The following ATP10B variants were observed in gnomAD, a reference collection of about 807,000 sequenced individuals.
ATP10B encodes ATPase phospholipid transporting 10B (putative), also known as phospholipid-transporting ATPase VB.
A neutral mutation model predicts 141.2 loss-of-function variants in ATP10B; 122 were observed. That is an observed-to-expected ratio of 0.86 (90% CI 0.75 to 1.00). ATP10B has a LOEUF of 1.00. Ranked by LOEUF, ATP10B falls within the 50% of genes least tolerant of loss-of-function variation. ATP10B has a pLI of 0.00. For synonymous variants in ATP10B, 685 were observed against 692.0 expected, an observed-to-expected ratio of 0.99 and a Z score of 0.16; for missense variants, 1,876 against 1,825.3, an observed-to-expected ratio of 1.03 and a Z score of -0.51.
intron 1 of ATP10B, among the ~76,000 whole-genome samples, chr5:160,800,420 G>A (rs985105099): frequency 1.3e-5 from 2 of 152,176 alleles, no homozygotes; most frequent in South Asian, 2.1e-4. Flanking sequence ...CATTTACTAA[G>A]TGCAAAGAGT....
the ATP10B span, among the ~76,000 whole-genome samples, chr5:160,867,609 T>C: frequency 6.6e-6 from 1 of 152,118 alleles, no homozygotes; most frequent in Non-Finnish European, 1.5e-5. Flanking sequence ...ATCCATATGA[T>C]ATTTTTGACT....
At chr5:160,903,226 G>A in the ATP10B span, among the ~76,000 whole-genome samples, 1 of 152,146 alleles carries the variant, frequency 6.6e-6, no homozygotes, top group Non-Finnish European at 1.5e-5. Flanking sequence ...CCCAAGACTG[G>A]AACCTGGTCT....
intron 1 of ATP10B, among the ~76,000 whole-genome samples, chr5:160,812,269 C>T (rs1271791949): frequency 1.3e-5 from 2 of 152,124 alleles, no homozygotes; most frequent in Non-Finnish European, 2.9e-5. Context: ...CTTCCAAATA[C>T]CTGAAAGGCC....
intron 22 of ATP10B, among the ~76,000 whole-genome samples, chr5:160,594,941 G>A (rs1194083797): frequency 1.3e-5 from 2 of 152,146 alleles, no homozygotes; most frequent in African/African-American, 2.4e-5. Context: ...CACAATAATA[G>A]TGGGAGACTT....
At chr5:160,850,634 T>G (rs1753744917) in intron 1 of ATP10B, among the ~76,000 whole-genome samples, 1 of 152,170 alleles carries the variant, frequency 6.6e-6, no homozygotes, top group African/African-American at 2.4e-5. Context: ...CTTATCAGTA[T>G]CACATGCTTC....
chr5:160,641,489 T>G (rs539954109), intron 9 of ATP10B, among the ~76,000 whole-genome samples: 9 of 152,306 alleles, frequency 5.9e-5, no homozygotes, highest in African/African-American at 2.2e-4. Flanking sequence ...GTCACCTTCT[T>G]CTCCAGTAGG....
chr5:160,787,103 C>G (rs1456792389), intron 1 of ATP10B, among the ~76,000 whole-genome samples: 1 of 85,948 alleles, frequency 1.2e-5, no homozygotes, highest in African/African-American at 4.4e-5. Flanking sequence ...GGTTTTGACA[C>G]AGACACACAC....
chr5:160,598,746 C>A lies in ATP10B; in HGVS notation c.3564+24G>T, dbSNP rs1386497254. Reference sequence around the variant, plus strand: ...GTCAGTAAGAAGCTGAAGTCACCTCCCTTTGGCTGCCCGATCTCCTTACCT... The same window carrying A: ...GTCAGTAAGAAGCTGAAGTCACCTCACTTTGGCTGCCCGATCTCCTTACCT... On this transcript the variant is annotated intron_variant, in intron 22 of 25. Transcript: ENST00000327245. 6 of 1,612,412 alleles carry A rather than the reference C, an allele frequency of 3.7e-6. No homozygotes were observed. In the African/African-American group the frequency reaches 4.0e-5, roughly 11 times the overall value.
intron 2 of ATP10B, among the ~76,000 whole-genome samples, chr5:160,774,792 T>C (rs935763401): frequency 2.6e-5 from 4 of 152,260 alleles, no homozygotes; most frequent in African/African-American, 9.6e-5. Context: ...CTTTGTCTGT[T>C]TGTGAAGGGC....
chr5:160,630,622 G>C (rs1328055849), intron 13 of ATP10B, among the ~76,000 whole-genome samples: 11 of 152,132 alleles, frequency 7.2e-5, no homozygotes, highest in Non-Finnish European at 1.5e-5. Context: ...TCGGGGAAGT[G>C]CATTACATTT....
chr5:160,907,514 T>G, the ATP10B span, among the ~76,000 whole-genome samples: 3 of 152,136 alleles, frequency 2.0e-5, no homozygotes, highest in South Asian at 6.2e-4. Context: ...TGTGTGTGAC[T>G]GCGCCCAGCT....
intron 1 of ATP10B, among the ~76,000 whole-genome samples, chr5:160,818,030 T>G (rs1561888046): frequency 6.6e-6 from 1 of 152,116 alleles, no homozygotes; most frequent in Non-Finnish European, 1.5e-5. Flanking sequence ...ATGTTAGACT[T>G]AAAACCATAA....
intron 6 of ATP10B, among the ~76,000 whole-genome samples, chr5:160,674,676 T>A (rs1762916966): frequency 6.6e-6 from 1 of 151,950 alleles, no homozygotes; most frequent in Non-Finnish European, 1.5e-5. Context: ...GTTGAGCTTC[T>A]CAAACAGAAG....
At chr5:160,698,278 A>G (rs2127758420) in intron 3 of ATP10B, among the ~76,000 whole-genome samples, 2 of 152,214 alleles carry the variant, frequency 1.3e-5, no homozygotes, top group South Asian at 4.1e-4. Context: ...TCTTTCATTT[A>G]CTACAGCCAA....
intron 7 of ATP10B, among the ~76,000 whole-genome samples, chr5:160,654,653 G>A (rs1027746584): frequency 6.6e-6 from 1 of 152,178 alleles, no homozygotes; most frequent in Non-Finnish European, 1.5e-5. Context: ...GTAAGTAACA[G>A]AGTCAGGATT....
chr5:160,596,963 A>G (rs1298766582), intron 22 of ATP10B, among the ~76,000 whole-genome samples: 1 of 152,344 alleles, frequency 6.6e-6, no homozygotes, highest in East Asian at 1.9e-4. Context: ...AAATGGCCAT[A>G]CTGCCCAAGG....
chr5:160,644,103 A>C (rs745509066), intron 9 of ATP10B, 35 bp downstream of exon 9: 5 of 1,576,472 alleles, frequency 3.2e-6, no homozygotes, highest in African/African-American at 1.3e-5. Flanking sequence ...AGGATAAAGG[A>C]AAATTCAGAC....
rs566866571 is a variant in ATP10B, at chr5:160,614,135, T to C, written c.2654-1210A>G. The C allele has an allele frequency of 2.0e-5, 3 of 152,212 alleles. No homozygotes were observed. In the East Asian group the frequency reaches 5.8e-4, roughly 29 times the overall value. The allele number at this position is 152,212 out of a possible 1,614,324, so 9.4% of individuals were successfully genotyped here. On this transcript the variant is annotated intron_variant, in intron 17 of 25. Coordinates refer to ENST00000327245, the MANE Select transcript of ATP10B (RefSeq NM_025153.3). ...ACCCCATTATCCTGAAATGTGCCTG[T>C]TTTGCATCTGAGGGCCATATGCACA...
At chr5:160,793,418 C>A (rs920631255) in intron 1 of ATP10B, among the ~76,000 whole-genome samples, 2 of 152,130 alleles carry the variant, frequency 1.3e-5, no homozygotes, top group African/African-American at 2.4e-5. Context: ...CTCTGTAGAC[C>A]AACACTCTTC....
Sources: gnomAD v4.1 joint callset for allele counts (sites outside exome capture counted in the v4.1 genomes callset) on GRCh38, gnomAD v4.1.1 for gene constraint, MANE v1.5 for transcripts, NCBI Gene and HGNC (gene_info 2026-07-23, HGNC 2026-07-21) for gene names.